FRMD3: variants seen among roughly 807,000 people sequenced by gnomAD.
FRMD3 encodes FERM domain containing 3, also known as FERM domain-containing protein 3.
Under a neutral mutation model 70.2 loss-of-function variants are expected in FRMD3, and 33 were observed. The observed-to-expected ratio is 0.47, with a 90% CI of 0.36 to 0.63. FRMD3 has a LOEUF of 0.63. Ranked by LOEUF, FRMD3 falls within the 20% of genes least tolerant of loss-of-function variation. The probability of loss-of-function intolerance (pLI) is 0.00; values close to 1 mark genes in which losing one functional copy is unlikely to be tolerated. For synonymous variants in FRMD3, 279 were observed against 255.9 expected (o/e 1.09, Z -0.86); for missense variants, 632 against 711.4 (o/e 0.89, Z 1.27).
At chr9:83,315,736 G>A (rs1835543397) in intron 6 of FRMD3, among the ~76,000 whole-genome samples, 1 of 152,154 alleles carries the variant, frequency 6.6e-6, no homozygotes, top group Admixed American at 6.5e-5. Context: ...TTATAGCAAT[G>A]CAAGAACAAC....
chr9:83,490,763 T>TTCTCTCTC (rs67058664), intron 1 of FRMD3, among the ~76,000 whole-genome samples: 2 of 129,222 alleles, frequency 1.5e-5, no homozygotes, highest in Non-Finnish European at 3.3e-5. Context: ...TTTTACTCTC[T>TTCTCTCTC]TCTCTCTCTC....
At chr9:83,359,640 A>G (rs1290478838) in intron 3 of FRMD3, among the ~76,000 whole-genome samples, 1 of 152,242 alleles carries the variant, frequency 6.6e-6, no homozygotes, top group Admixed American at 6.5e-5. Flanking sequence ...CCAATAAAAC[A>G]CTGAAGTTTG....
chr9:83,542,684 T>C (rs1564123291), upstream of FRMD3, among the ~76,000 whole-genome samples: 2 of 152,206 alleles, frequency 1.3e-5, no homozygotes, highest in Non-Finnish European at 2.9e-5. Context: ...TGACTGATAT[T>C]ACCTGACTTT....
intron 1 of FRMD3, among the ~76,000 whole-genome samples, chr9:83,403,621 A>AC (rs1372564930): frequency 6.6e-6 from 1 of 152,160 alleles, no homozygotes; most frequent in Non-Finnish European, 1.5e-5. Flanking sequence ...ACACAGCCAC[A>AC]CCACAGGAAA....
intron 10 of FRMD3, among the ~76,000 whole-genome samples, chr9:83,305,553 T>A (rs888176755): frequency 7.2e-5 from 11 of 152,152 alleles, no homozygotes; most frequent in African/African-American, 2.7e-4. Flanking sequence ...GCCCCAGTGG[T>A]ACAAGCAAAT....
chr9:83,567,069 C>G, the FRMD3 span, among the ~76,000 whole-genome samples: 1 of 152,252 alleles, frequency 6.6e-6, no homozygotes, highest in Non-Finnish European at 1.5e-5. Context: ...CTGCAGCAAA[C>G]TTTTGCCTGG....
intron 1 of FRMD3, among the ~76,000 whole-genome samples, chr9:83,469,852 G>A (rs910956886): frequency 4.6e-5 from 7 of 152,188 alleles, no homozygotes; most frequent in Non-Finnish European, 7.3e-5. Context: ...AAACTAAGAT[G>A]GGGGGCGGGG....
At chr9:83,564,995 C>T in the FRMD3 span, among the ~76,000 whole-genome samples, 4 of 152,136 alleles carry the variant, frequency 2.6e-5, no homozygotes, top group African/African-American at 9.7e-5. Flanking sequence ...TTTTTGGCTG[C>T]CTGGTGGGAG....
Position 83,336,781 on chromosome 9 carries a change from C to T in FRMD3, c.473-1142G>A, listed in dbSNP as rs1823595710. On this transcript the variant is annotated intron_variant, in intron 5 of 13. Coordinates refer to ENST00000304195, the MANE Select transcript of FRMD3 (RefSeq NM_174938.6). ...GGTCAGACCTCATTATACCCCCTCC[C>T]TCATTAATTGCTATTAGGTTTCCTA... 3.3e-5 allele frequency among the ~76,000 whole-genome samples: 5 copies of T among 150,940 alleles called. No homozygotes were observed. The South Asian group carries it at 6.4e-4, about 19-fold the overall frequency.
chr9:83,582,250 T>C, the FRMD3 span, among the ~76,000 whole-genome samples: 1 of 152,148 alleles, frequency 6.6e-6, no homozygotes, highest in Non-Finnish European at 1.5e-5. Flanking sequence ...AAGCAATATC[T>C]TAATCAAGTC....
intron 1 of FRMD3, among the ~76,000 whole-genome samples, chr9:83,531,010 G>A (rs1282738467): frequency 6.6e-6 from 1 of 152,170 alleles, no homozygotes; most frequent in African/African-American, 2.4e-5. Context: ...CATGTGACCT[G>A]GGAGGTCCCA....
At chr9:83,495,891 G>A (rs1227295694) in intron 1 of FRMD3, among the ~76,000 whole-genome samples, 1 of 152,212 alleles carries the variant, frequency 6.6e-6, no homozygotes, top group Non-Finnish European at 1.5e-5. Context: ...TATCAAGTCT[G>A]AGTATTTATT....
intron 1 of FRMD3, among the ~76,000 whole-genome samples, chr9:83,424,633 C>T (rs547348844): frequency 1.3e-5 from 2 of 152,276 alleles, no homozygotes; most frequent in Non-Finnish European, 2.9e-5. Flanking sequence ...CAGAAAATTG[C>T]ATCACAATAG....
Position 83,486,776 on chromosome 9 carries a change from C to T in FRMD3, c.147+51309G>A, listed in dbSNP as rs141425739. Among the ~76,000 whole-genome samples, 1,321 of 152,264 alleles carry T rather than the reference C, an allele frequency of 8.7e-3. 26 individuals carry two copies. The highest frequency in any genetic ancestry group is 0.031 in the African/African-American group (1,271 of 41,550). ...CATGAAAATGTGTAACATAATGGGG[C>T]TTATTCTGTTCCTTTCCATAAGGGA... On this transcript the variant is annotated intron_variant, in intron 1 of 13. Coordinates refer to ENST00000304195, the MANE Select transcript of FRMD3 (RefSeq NM_174938.6).
At chr9:83,438,584 G>C (rs1007275834) in intron 1 of FRMD3, among the ~76,000 whole-genome samples, 2 of 152,068 alleles carry the variant, frequency 1.3e-5, no homozygotes, top group Non-Finnish European at 1.5e-5. Flanking sequence ...ATTTTTAGTA[G>C]AGACAGGGTT....
rs12004094 is a variant in FRMD3, at chr9:83,246,329, T to C, written c.*1589A>G. Reference sequence around the variant, plus strand: ...CACATAACACAGTATCAGCAGGTAGTCTGCATGGGAAGGCATCAGTACGTT... The same window carrying C: ...CACATAACACAGTATCAGCAGGTAGCCTGCATGGGAAGGCATCAGTACGTT... On this transcript the variant is annotated 3_prime_UTR_variant, in exon 14 of 14. Coordinates refer to ENST00000304195, the MANE Select transcript of FRMD3 (RefSeq NM_174938.6). 2,880 of 984,010 alleles carry C rather than the reference T, an allele frequency of 2.9e-3. 76 individuals are homozygous for C. The African/African-American group carries it at 0.047, about 16-fold the overall frequency. The allele number at this position is 984,010 out of a possible 1,614,324, so 61.0% of individuals were successfully genotyped here. A position where few individuals can be genotyped will look rare whatever the true frequency, so the allele number is the denominator to read the frequency against.
intron 1 of FRMD3, among the ~76,000 whole-genome samples, chr9:83,481,276 G>A (rs1421299455): frequency 2.6e-5 from 4 of 152,190 alleles, no homozygotes; most frequent in Admixed American, 2.6e-4. Flanking sequence ...ATATTCCAAT[G>A]ATGCAAGTGT....
chr9:83,332,525 C>A (rs1823419939), intron 6 of FRMD3, among the ~76,000 whole-genome samples: 1 of 152,038 alleles, frequency 6.6e-6, no homozygotes, highest in Non-Finnish European at 1.5e-5. Context: ...AATTTTCTGC[C>A]AAGAATGGTG....
the FRMD3 span, among the ~76,000 whole-genome samples, chr9:83,565,795 G>A: frequency 9.9e-5 from 15 of 152,278 alleles, no homozygotes; most frequent in Admixed American, 5.9e-4. Context: ...TTCCAATTAC[G>A]GGAATTTTAG....
Sources: gnomAD v4.1 joint callset for allele counts (sites outside exome capture counted in the v4.1 genomes callset) on GRCh38, gnomAD v4.1.1 for gene constraint, MANE v1.5 for transcripts, NCBI Gene and HGNC (gene_info 2026-07-23, HGNC 2026-07-21) for gene names.